Variants in MYT1L observed in about 807,000 individuals in gnomAD.
MYT1L encodes myelin transcription factor 1 like.
In MYT1L, 12 loss-of-function variants were observed where a neutral mutation model predicts 126.7. The ratio of observed to expected loss-of-function variants is 0.09; its 90% CI spans 0.06 to 0.15. MYT1L has a LOEUF of 0.15. Among genes scored for constraint, MYT1L ranks in the 10% least tolerant of loss-of-function variants. The probability of loss-of-function intolerance (pLI) is 1.00; values close to 1 mark genes in which losing one functional copy is unlikely to be tolerated. For synonymous variants in MYT1L, 541 were observed against 604.2 expected, an observed-to-expected ratio of 0.90 and a Z score of 1.53; for missense variants, 979 against 1,585.2, an observed-to-expected ratio of 0.62 and a Z score of 6.49.
chr2:2,081,298 TTTTA>T (rs1347503463), intron 3 of MYT1L, among the ~76,000 whole-genome samples: 2 of 152,114 alleles, frequency 1.3e-5, no homozygotes, highest in African/African-American at 4.8e-5. Flanking sequence ...GCATCTTCAG[TTTTA>T]TTTAGTTTGT....
chr2:2,122,145 A>C (rs556919887), intron 3 of MYT1L, among the ~76,000 whole-genome samples: 1 of 152,362 alleles, frequency 6.6e-6, no homozygotes, highest in East Asian at 1.9e-4. Flanking sequence ...AATGCCGTGC[A>C]GTCAACTGCC....
At chr2:1,903,721 A>G (rs2050645445) in intron 13 of MYT1L, among the ~76,000 whole-genome samples, 1 of 152,228 alleles carries the variant, frequency 6.6e-6, no homozygotes, top group Non-Finnish European at 1.5e-5. Context: ...TGAGGTAAAG[A>G]AATACTCTTA....
intron 3 of MYT1L, among the ~76,000 whole-genome samples, chr2:2,113,295 G>C (rs1032247889): frequency 1.3e-5 from 2 of 152,252 alleles, no homozygotes; most frequent in Admixed American, 6.5e-5. Flanking sequence ...ACTTCCATGT[G>C]GGGGAAAAAC....
At position 2,058,334 on chromosome 2, in the gene MYT1L, A is replaced by C. The variant is rs144068246; in HGVS notation, c.-303-4211T>G. Among the ~76,000 whole-genome samples the C allele has an allele frequency of 7.6e-3, 1,154 of 152,264 alleles. 16 individuals are homozygous for C. Among genetic ancestry groups the C allele is most frequent in the African/African-American group, 0.027 (1,109 of 41,538 alleles). ...ATTCTAGATACTAGTTCTTTGATGA[A>C]TATTTGATTTCTAAGTATTTTTGCT... On this transcript the variant is annotated intron_variant, in intron 3 of 24. Coordinates refer to ENST00000647738, the MANE Select transcript of MYT1L (RefSeq NM_001303052.2).
chr2:2,279,176 A>G (rs956825156), intron 2 of MYT1L, among the ~76,000 whole-genome samples: 1 of 152,204 alleles, frequency 6.6e-6, no homozygotes, highest in Admixed American at 6.5e-5. Context: ...AACAGTTGTG[A>G]TGCTGTAAGG....
At chr2:1,869,906 A>G (rs1289594861) in intron 18 of MYT1L, among the ~76,000 whole-genome samples, 1 of 152,226 alleles carries the variant, frequency 6.6e-6, no homozygotes, top group Non-Finnish European at 1.5e-5. Context: ...TTTCCATACC[A>G]GGAAACAAGC....
At chr2:2,065,823 TACACACACAC>T (rs71824780) in intron 3 of MYT1L, among the ~76,000 whole-genome samples, 2 of 144,820 alleles carry the variant, frequency 1.4e-5, no homozygotes, top group Non-Finnish European at 3.0e-5. Flanking sequence ...CTCTCTTTTA[TACACACACAC>T]ACACACACAC....
In MYT1L at chr2:2,290,853, C is replaced by G. The variant is rs191947990; in HGVS notation, c.-520-6350G>C. Among the ~76,000 whole-genome samples the G allele has an allele frequency of 7.2e-5, 11 of 152,236 alleles. No homozygotes were observed. The East Asian group carries it at 2.1e-3, about 29-fold the overall frequency. ...GATGTGTGGCCAGGGCTAAGAAACA[C>G]TGGCTCAAAAGAAATCCCCAGAACT... On this transcript the variant is annotated intron_variant, in intron 1 of 24. Coordinates refer to ENST00000647738, the MANE Select transcript of MYT1L (RefSeq NM_001303052.2).
intron 3 of MYT1L, among the ~76,000 whole-genome samples, chr2:2,130,273 A>G (rs1164939610): frequency 1.3e-5 from 2 of 151,652 alleles, no homozygotes; most frequent in Non-Finnish European, 2.9e-5. Context: ...ATATAACAGA[A>G]GAGTTCCACC....
At chr2:2,149,873 C>T (rs989826095) in intron 3 of MYT1L, among the ~76,000 whole-genome samples, 2 of 152,102 alleles carry the variant, frequency 1.3e-5, no homozygotes, top group Non-Finnish European at 2.9e-5. Context: ...CTGCCTTTTC[C>T]CTCTCCAACT....
chr2:2,298,512 CA>C (rs2095733062), intron 1 of MYT1L, among the ~76,000 whole-genome samples: 4 of 152,316 alleles, frequency 2.6e-5, no homozygotes, highest in African/African-American at 9.6e-5. Context: ...AACTTTTATA[CA>C]TTTTCATTCA....
At chr2:2,013,040 C>T (rs116772859) in intron 4 of MYT1L, among the ~76,000 whole-genome samples, 5,714 of 152,186 alleles carry the variant, frequency 0.038, 148 homozygotes, top group Non-Finnish European at 0.05. Context: ...CAGGTGCCCA[C>T]GGGGGGTCTT....
intron 3 of MYT1L, among the ~76,000 whole-genome samples, chr2:2,067,195 T>C (rs1431418204): frequency 2.0e-5 from 3 of 152,190 alleles, no homozygotes; most frequent in Admixed American, 6.5e-5. Flanking sequence ...TCTGAAGCTG[T>C]AGTAATTAAA....
intron 3 of MYT1L, among the ~76,000 whole-genome samples, chr2:2,159,620 G>A (rs908553059): frequency 2.0e-5 from 3 of 152,030 alleles, no homozygotes; most frequent in African/African-American, 4.8e-5. Flanking sequence ...TGCCAGCCTG[G>A]GAGCTGCCTT....
intron 1 of MYT1L, among the ~76,000 whole-genome samples, chr2:2,297,461 C>G (rs1347772579): frequency 6.6e-6 from 1 of 152,220 alleles, no homozygotes; most frequent in African/African-American, 2.4e-5. Flanking sequence ...CAGAAACCTG[C>G]TCTCTACTAC....
intron 8 of MYT1L, among the ~76,000 whole-genome samples, chr2:1,945,844 T>C (rs1381768589): frequency 6.6e-6 from 1 of 152,176 alleles, no homozygotes; most frequent in Non-Finnish European, 1.5e-5. Flanking sequence ...AAACTAATGA[T>C]TGTCCTGTTT....
At chr2:1,840,972 C>T (rs1443198061) in intron 19 of MYT1L, 129 bp from the exon 20 acceptor site, 6 of 627,094 alleles carry the variant, frequency 9.6e-6, no homozygotes, top group South Asian at 2.0e-5. Flanking sequence ...GGTGTGATCT[C>T]GGCTCACTGC....
intron 3 of MYT1L, among the ~76,000 whole-genome samples, chr2:2,131,517 G>A (rs1238192704): frequency 6.6e-6 from 1 of 152,162 alleles, no homozygotes; most frequent in Non-Finnish European, 1.5e-5. Flanking sequence ...TAAATGTGAT[G>A]CCCACCATTA....
intron 2 of MYT1L, among the ~76,000 whole-genome samples, chr2:2,271,390 T>A (rs2095260227): frequency 6.6e-6 from 1 of 152,196 alleles, no homozygotes; most frequent in Admixed American, 6.5e-5. Context: ...TCAGCCATGA[T>A]GTGATATGAT....
Sources: allele counts gnomAD v4.1 joint callset (sites outside exome capture counted in the v4.1 genomes callset), GRCh38; gene constraint gnomAD v4.1.1; transcripts MANE v1.5; gene names NCBI Gene and HGNC (gene_info 2026-07-23, HGNC 2026-07-21).